The following ANKRD44 variants were observed in gnomAD, a reference collection of about 807,000 sequenced individuals.
The protein encoded by ANKRD44 is ankyrin repeat domain 44, also known as serine/threonine-protein phosphatase 6 regulatory ankyrin repeat subunit B.
Under a neutral mutation model 116.0 loss-of-function variants are expected in ANKRD44, and 35 were observed. That is an observed-to-expected ratio of 0.30 (90% CI 0.23 to 0.40). The LOEUF is 0.40. Ranked by LOEUF, ANKRD44 falls within the 10% of genes least tolerant of loss-of-function variation. ANKRD44 has a pLI of 1.00. For synonymous variants in ANKRD44, 435 were observed against 461.8 expected (o/e 0.94, Z 0.74); for missense variants, 1,014 against 1,242.6 (o/e 0.82, Z 2.77).
intron 1 of ANKRD44, among the ~76,000 whole-genome samples, chr2:197,273,967 AAAAAAAAAAAAAAATATATATATATAT>A (rs1181796882): frequency 6.1e-5 from 1 of 16,496 alleles, no homozygotes; most frequent in African/African-American, 1.4e-4. Flanking sequence ...CCACAAAAAA[AAAAAAAAAAAAAAATATATATATATAT>A]ATATATATAT....
At chr2:197,027,680 ATT>A (rs34502554) in intron 16 of ANKRD44, among the ~76,000 whole-genome samples, 20,120 of 125,896 alleles carry the variant, frequency 0.16, 1,557 homozygotes, top group African/African-American at 0.2. Context: ...ATGCCTGAGA[ATT>A]TTTTTTTTTT....
At chr2:197,303,168 G>T (rs1574480537) in intron 1 of ANKRD44, among the ~76,000 whole-genome samples, 1 of 152,188 alleles carries the variant, frequency 6.6e-6, no homozygotes, top group Non-Finnish European at 1.5e-5. Flanking sequence ...AAACTTTAAA[G>T]CTGCCACAAA....
intron 6 of ANKRD44, among the ~76,000 whole-genome samples, chr2:197,125,100 A>C (rs2078945415): frequency 6.6e-6 from 1 of 152,266 alleles, no homozygotes; most frequent in South Asian, 2.1e-4. Context: ...TAAAATAAGC[A>C]CAATCTGTGC....
In ANKRD44 at chr2:197,136,071, T is replaced by C. The variant is rs529235925; in HGVS notation, c.261+521A>G. ...CCATTGCTCAGAGGATTCCAAGCCC[T>C]CTGCCATCTGGCCCAACCTCCACTA... On this transcript the variant is annotated intron_variant, in intron 4 of 27. Coordinates refer to ENST00000282272, the MANE Select transcript of ANKRD44 (RefSeq NM_001195144.2). 1.4e-4 allele frequency: 23 copies of C among 163,418 alleles called. No homozygotes were observed. The East Asian group carries it at 3.7e-3, about 26-fold the overall frequency. The allele number at this position is 163,418 out of a possible 1,614,324, so 10.1% of individuals were successfully genotyped here. A position where few individuals can be genotyped will look rare whatever the true frequency, so the allele number is the denominator to read the frequency against.
intron 1 of ANKRD44, among the ~76,000 whole-genome samples, chr2:197,278,651 A>C (rs1222369736): frequency 6.6e-6 from 1 of 152,210 alleles, no homozygotes; most frequent in Non-Finnish European, 1.5e-5. Context: ...ACTCACTTTT[A>C]TCCCTACAAA....
intron 1 of ANKRD44, among the ~76,000 whole-genome samples, chr2:197,284,116 A>G (rs947213396): frequency 6.6e-6 from 1 of 152,228 alleles, no homozygotes; most frequent in Admixed American, 6.5e-5. Context: ...GGCATATTGC[A>G]TCTTCTCCAC....
chr2:196,990,981 C>T, intron 27 of ANKRD44: 1 of 1,215,750 alleles, frequency 8.2e-7, no homozygotes, highest in Non-Finnish European at 1.0e-6. Context: ...CTAGAGGAGG[C>T]ACGAGCATTC....
intron 1 of ANKRD44, among the ~76,000 whole-genome samples, chr2:197,304,406 T>C (rs12464356): frequency 0.048 from 7,320 of 152,320 alleles, 252 homozygotes; most frequent in Non-Finnish European, 0.066. Flanking sequence ...TCCTAAGTCA[T>C]TGACATGGGT....
intron 1 of ANKRD44, among the ~76,000 whole-genome samples, chr2:197,243,839 ATCACAC>A (rs1161157256): frequency 2.0e-5 from 3 of 152,184 alleles, no homozygotes; most frequent in Non-Finnish European, 2.9e-5. Context: ...TCCTAACATG[ATCACAC>A]TGGGGATTAA....
intron 21 of ANKRD44, among the ~76,000 whole-genome samples, chr2:196,977,643 G>A (rs1271038173): frequency 2.6e-5 from 4 of 152,162 alleles, no homozygotes; most frequent in African/African-American, 9.7e-5. Flanking sequence ...AAACCACAAT[G>A]AGATATCACT....
At chr2:197,077,879 C>T (rs2077704437) in intron 16 of ANKRD44, 1 of 152,080 alleles carries the variant, frequency 6.6e-6, no homozygotes, top group Non-Finnish European at 1.5e-5. Context: ...AAATGTTGAT[C>T]TAATCAAAGG....
intron 16 of ANKRD44, among the ~76,000 whole-genome samples, chr2:197,074,882 C>T (rs2077632992): frequency 6.6e-6 from 1 of 152,098 alleles, no homozygotes; most frequent in African/African-American, 2.4e-5. Context: ...AACATTGAGT[C>T]GTTTATTTGA....
chr2:197,186,481 T>C (rs2712895), intron 2 of ANKRD44, among the ~76,000 whole-genome samples: 86,157 of 151,698 alleles, frequency 0.57, 28,268 homozygotes, highest in East Asian at 0.88. Flanking sequence ...GATTTTTTTT[T>C]TGAGGTAGGG....
At position 197,242,597 on chromosome 2, in the gene ANKRD44, G is replaced by T. The variant is rs760161289; in HGVS notation, c.28-55491C>A. On this transcript the variant is annotated intron_variant, in intron 1 of 27. Coordinates refer to ENST00000282272, the MANE Select transcript of ANKRD44 (RefSeq NM_001195144.2). ...CCTCTCTAGGTTCACCTTAAAAAAA[G>T]GGCTCATCTTCTAACCTTACCAGGC... is the stretch of plus-strand genomic sequence containing the variant. Among the ~76,000 whole-genome samples, 7 of 152,248 alleles carry T rather than the reference G, an allele frequency of 4.6e-5. No individual in the cohort carries two copies. In the South Asian group the frequency reaches 8.3e-4, roughly 18 times the overall value.
At chr2:197,289,280 G>A (rs1031364316) in intron 1 of ANKRD44, among the ~76,000 whole-genome samples, 1 of 152,172 alleles carries the variant, frequency 6.6e-6, no homozygotes, top group Non-Finnish European at 1.5e-5. Flanking sequence ...TCCAAGTGTT[G>A]ACAAGGATGT....
At chr2:197,044,629 G>A (rs754004625) in intron 16 of ANKRD44, among the ~76,000 whole-genome samples, 4 of 152,116 alleles carry the variant, frequency 2.6e-5, no homozygotes, top group Non-Finnish European at 5.9e-5. Context: ...AAAATGCTGG[G>A]ATTACAGGTG....
intron 2 of ANKRD44, among the ~76,000 whole-genome samples, chr2:197,157,937 T>C (rs919289560): frequency 6.6e-6 from 1 of 152,162 alleles, no homozygotes. Flanking sequence ...CAGAAGCCCT[T>C]TTAAAGGGTC....
chr2:196,967,318 G>A, exon 22 of ANKRD44: 1 of 377,972 alleles, frequency 2.6e-6, no homozygotes, highest in Non-Finnish European at 5.8e-6. Flanking sequence ...TTCCCCAACC[G>A]CAGCTCCTGC....
intron 1 of ANKRD44, among the ~76,000 whole-genome samples, chr2:197,243,461 A>C (rs758158241): frequency 6.6e-6 from 1 of 152,216 alleles, no homozygotes; most frequent in Non-Finnish European, 1.5e-5. Flanking sequence ...CATGCTAATA[A>C]ATTCAAGTGA....
Sources: allele counts gnomAD v4.1 joint callset (sites outside exome capture counted in the v4.1 genomes callset), GRCh38; gene constraint gnomAD v4.1.1; transcripts MANE v1.5; gene names NCBI Gene and HGNC (gene_info 2026-07-23, HGNC 2026-07-21).